The following TSPEAR variants were observed in gnomAD, a reference collection of about 807,000 sequenced individuals.
TSPEAR encodes thrombospondin type laminin G domain and EAR repeats, also known as thrombospondin-type laminin G domain and EAR repeat-containing protein.
TSPEAR carries 69 observed loss-of-function variants against 71.6 expected under a neutral mutation model. The ratio of observed to expected loss-of-function variants is 0.96; its 90% confidence interval spans 0.79 to 1.18. The LOEUF (loss-of-function observed/expected upper bound fraction) is 1.18. TSPEAR is among the 50% of genes most tolerant of loss of function. TSPEAR has a pLI of 0.00. For missense variants in TSPEAR, 971 were observed against 894.9 expected (o/e 1.09, Z -1.09); for synonymous variants, 402 against 387.2 (o/e 1.04, Z -0.45).
At chr21:44,515,649 G>A (rs587742506) in intron 9 of TSPEAR, 1 of 152,308 alleles carries the variant, frequency 6.6e-6, no homozygotes, top group East Asian at 1.9e-4. Context: ...CCTTGGTGTA[G>A]ATCAAAGCTG....
intron 2 of TSPEAR, among the ~76,000 whole-genome samples, chr21:44,549,202 T>C: frequency 6.6e-6 from 1 of 152,148 alleles, no homozygotes; most frequent in East Asian, 1.9e-4. Context: ...GTCAGTCTTT[T>C]CTCAAATAAG....
At position 44,591,798 on chromosome 21, in the gene TSPEAR, G is replaced by A. The variant is rs75339536; in HGVS notation, c.83-23793C>T. The A allele has an allele frequency of 5.9e-3, 9,361 of 1,585,932 alleles. 504 individuals are homozygous for A. The African/African-American group carries it at 0.12, about 20-fold the overall frequency. ...ACACAGGCACGCAGCAGACGGGCAC[G>A]CAGCAGGCCTGCTGGCAGGGGGAGG... On this transcript the variant is annotated intron_variant, in intron 1 of 11. Transcript: ENST00000323084.
At chr21:44,680,232 C>G (rs1986513971) in intron 1 of TSPEAR, among the ~76,000 whole-genome samples, 1 of 152,020 alleles carries the variant, frequency 6.6e-6, no homozygotes, top group African/African-American at 2.4e-5. Context: ...GGGCAAAGCA[C>G]CTGAATAGGC....
rs201230688 is a variant in TSPEAR, at chr21:44,591,602, C to T, written c.83-23597G>A. 4.5e-4 allele frequency: 730 copies of T among 1,613,250 alleles called. 3 individuals are homozygous for T. The African/African-American group carries it at 6.8e-3, about 15-fold the overall frequency. On this transcript the variant is annotated intron_variant, in intron 1 of 11. Coordinates refer to ENST00000323084, the MANE Select transcript of TSPEAR (RefSeq NM_144991.3). ...GAGGAGGAGGATCTGCAGCAGGAGGCGGTGCAGCAAGCCGGCTGGCAGCTA... is the reference window on the plus strand; with the variant it reads ...GAGGAGGAGGATCTGCAGCAGGAGGTGGTGCAGCAAGCCGGCTGGCAGCTA...
At position 44,657,945 on chromosome 21, in the gene TSPEAR, C is replaced by T. The variant is rs782415573; in HGVS notation, c.82+53488G>A. The T allele has an allele frequency of 3.8e-6, 6 of 1,595,760 alleles. No individual in the cohort carries two copies. In the South Asian group the frequency reaches 4.5e-5, roughly 12 times the overall value. Reference sequence around the variant, plus strand: ...AGAAGCAGCTTCCAGACATCACCATCCTCCTCCCCAGTACCAGCCCAGCCA... The same window carrying T: ...AGAAGCAGCTTCCAGACATCACCATTCTCCTCCCCAGTACCAGCCCAGCCA... On this transcript the variant is annotated intron_variant, in intron 1 of 11. Coordinates refer to ENST00000323084, the MANE Select transcript of TSPEAR (RefSeq NM_144991.3).
chr21:44,711,469 G>A lies in TSPEAR; in HGVS notation c.46C>T (p.Pro16Ser), dbSNP rs1555953626. The change falls in exon 1 of 12, where the codon CCC becomes TCC. Residue 16 changes from proline to serine, a missense_variant. Coordinates refer to ENST00000323084, the MANE Select transcript of TSPEAR (RefSeq NM_144991.3). The surrounding 1 kb of genome is among the most constrained non-coding windows in gnomAD (Gnocchi z 4.5). Reference sequence around the variant, plus strand: ...TCCCAACCCTGCGTGCCGTGGCCGGGGGCCGCCAGGGGCAGCACAAAACAC... The same window carrying A: ...TCCCAACCCTGCGTGCCGTGGCCGGAGGCCGCCAGGGGCAGCACAAAACAC... Reference protein sequence around the residue: ...SLCFVLPLAAPGHGTQGWEPC... With the variant: ...SLCFVLPLAASGHGTQGWEPC... 6.2e-7 allele frequency: 1 copy of A among 1,611,600 alleles called. No homozygotes were observed. Among genetic ancestry groups the A allele is most frequent in the Admixed American group, 1.7e-5 (1 of 59,836 alleles).
intron 9 of TSPEAR, chr21:44,517,907 T>C (rs587650560): frequency 2.1e-6 from 1 of 468,720 alleles, no homozygotes; most frequent in East Asian, 7.0e-5. Context: ...GGCGGTTTTC[T>C]TCAAGCCTTC....
In TSPEAR at chr21:44,504,835, C is replaced by T. The variant is rs782740643; in HGVS notation, c.1801G>A (p.Val601Met). The change falls in exon 11 of 12, where the codon GTG (valine) becomes ATG (methionine). Residue 601 changes from valine to methionine, a missense_variant. Val to Met is a conservative substitution (Grantham distance 21). Transcript: ENST00000323084. ...CGCCCATCGAAGGAGTTGGCCACCA[C>T]CAGGAAATAATCTTCTCCCACCGAG... The part of the protein sequence containing the change: ...FFSVGEDYFL[V>M]VANSFDGRTF... The T allele has an allele frequency of 1.2e-6, 2 of 1,612,856 alleles. No homozygotes were observed. Among genetic ancestry groups the T allele is most frequent in the Non-Finnish European group, 8.5e-7 (1 of 1,179,686 alleles).
At chr21:44,528,337 A>C in intron 6 of TSPEAR, 115 bp downstream of exon 6, 1 of 1,467,220 alleles carries the variant, frequency 6.8e-7, no homozygotes, top group Non-Finnish European at 9.3e-7. Flanking sequence ...CCTGACGGCC[A>C]AGCCTGAGGT....
chr21:44,528,506 T>C lies in TSPEAR; in HGVS notation c.868A>G (p.Ser290Gly). 2 of 1,614,114 alleles carry C rather than the reference T, an allele frequency of 1.2e-6. No homozygotes were observed. The highest frequency in any genetic ancestry group is 1.1e-5 in the South Asian group (1 of 91,084). ...ACACACAGATACAGGCCCTTCCGGC[T>C]GGCATCAAACCAGAACTGGGCGTCT... is the stretch of plus-strand genomic sequence containing the variant. ...VEDAQFWFDA[S>G]RKGLYLCVGN... Residue 290 changes from serine to glycine, a missense_variant, in exon 6 of 12, where the codon AGC (serine) becomes GGC (glycine). Physicochemically the swap from Ser to Gly is moderately conservative, Grantham distance 56. Coordinates refer to ENST00000323084, the MANE Select transcript of TSPEAR (RefSeq NM_144991.3).
chr21:44,702,484 T>G, intron 1 of TSPEAR: 2 of 1,608,900 alleles, frequency 1.2e-6, no homozygotes, highest in Non-Finnish European at 1.7e-6. Flanking sequence ...GCCCGTCTGC[T>G]GCAAGCCTGT....
chr21:44,632,889 C>T (rs1033255728), intron 1 of TSPEAR, among the ~76,000 whole-genome samples: 1 of 152,036 alleles, frequency 6.6e-6, no homozygotes, highest in African/African-American at 2.4e-5. Flanking sequence ...ATAAAGGTAT[C>T]AGTTTTGGTA....
At chr21:44,513,190 GGTCATT>G (rs1569155260) in intron 9 of TSPEAR, among the ~76,000 whole-genome samples, 1 of 152,198 alleles carries the variant, frequency 6.6e-6, no homozygotes. Context: ...ACGGTAGGGC[GGTCATT>G]GTCATTGGCT....
At chr21:44,558,853 C>A in intron 2 of TSPEAR, 1 of 1,191,360 alleles carries the variant, frequency 8.4e-7, no homozygotes, top group East Asian at 2.5e-5. Flanking sequence ...TGTGCTGCCC[C>A]TGCCTGGCTT....
chr21:44,572,619 C>T (rs782375841), intron 1 of TSPEAR, among the ~76,000 whole-genome samples: 8 of 151,804 alleles, frequency 5.3e-5, no homozygotes, highest in African/African-American at 1.9e-4. Context: ...GTTCTGCTCC[C>T]GTGCCCACGT....
At chr21:44,702,495 C>T (rs1237970620) in intron 1 of TSPEAR, 109 of 1,608,352 alleles carry the variant, frequency 6.8e-5, no homozygotes, top group Non-Finnish European at 9.0e-5. Context: ...GCAAGCCTGT[C>T]TGTTGCAAGC....
intron 2 of TSPEAR, among the ~76,000 whole-genome samples, chr21:44,538,722 T>C (rs1309013273): frequency 6.6e-6 from 1 of 152,042 alleles, no homozygotes; most frequent in African/African-American, 2.4e-5. Context: ...GGGACAGTCC[T>C]GGGGCCTGGA....
Position 44,504,899 on chromosome 21 carries a change from T to A in TSPEAR, c.1755-18A>T. 6.3e-7 allele frequency: 1 copy of A among 1,586,588 alleles called. No homozygotes were observed. The highest frequency in any genetic ancestry group is 1.1e-5 in the South Asian group (1 of 90,522). On this transcript the variant is annotated intron_variant, in intron 10 of 11. Coordinates refer to ENST00000323084, the MANE Select transcript of TSPEAR (RefSeq NM_144991.3). Reference sequence around the variant, plus strand: ...CCAGAGCACTGCAGGAACAAGTGGGTGGATATTAGGACACAACAGACATCG... The same window carrying A: ...CCAGAGCACTGCAGGAACAAGTGGGAGGATATTAGGACACAACAGACATCG...
chr21:44,515,301 C>T (rs1252351965), intron 9 of TSPEAR, among the ~76,000 whole-genome samples: 9 of 152,236 alleles, frequency 5.9e-5, no homozygotes, highest in Non-Finnish European at 1.0e-4. Context: ...AGAGGAAGCC[C>T]GTCCATGTGT....
Sources: gnomAD v4.1 joint callset for allele counts (sites outside exome capture counted in the v4.1 genomes callset) on GRCh38, gnomAD v4.1.1 for gene constraint, Gnocchi (gnomAD v3.1) non-coding constraint, MANE v1.5 for transcripts, NCBI Gene and HGNC (gene_info 2026-07-23, HGNC 2026-07-21) for gene names.